PRELID2: variants seen among roughly 807,000 people sequenced by gnomAD.
PRELID2 encodes the protein PRELI domain containing 2, also known as PRELI domain-containing protein 2.
PRELID2 carries 25 observed loss-of-function variants against 28.4 expected under a neutral mutation model. The ratio of observed to expected loss-of-function variants is 0.88; its 90% CI spans 0.64 to 1.23. PRELID2 has a LOEUF of 1.23. Among genes scored for constraint, PRELID2 ranks in the 50% most tolerant of loss-of-function variants. PRELID2 has a pLI of 0.00. For synonymous variants in PRELID2, 76 were observed against 71.6 expected, an observed-to-expected ratio of 1.06 and a Z score of -0.31; for missense variants, 201 against 214.4, an observed-to-expected ratio of 0.94 and a Z score of 0.39.
At chr5:145,468,652 A>G (rs1003060026), downstream of PRELID2, among the ~76,000 whole-genome samples, 1 of 152,074 alleles carries the variant, frequency 6.6e-6, no homozygotes, top group Non-Finnish European at 1.5e-5. Flanking sequence ...TTTGATTTGC[A>G]TTTCTCTGAT....
intron 1 of PRELID2, among the ~76,000 whole-genome samples, chr5:145,732,750 C>G (rs1490436860): frequency 6.6e-6 from 1 of 152,034 alleles, no homozygotes; most frequent in African/African-American, 2.4e-5. Context: ...TACTAATTGT[C>G]TTTCAATGAT....
chr5:145,434,949 C>T, the PRELID2 span, among the ~76,000 whole-genome samples: 4 of 152,242 alleles, frequency 2.6e-5, no homozygotes, highest in Admixed American at 6.5e-5. Context: ...TCATTTTTGA[C>T]GTATTATTTT....
intron 1 of PRELID2, among the ~76,000 whole-genome samples, chr5:145,690,608 C>T (rs955608595): frequency 2.6e-5 from 4 of 152,094 alleles, no homozygotes; most frequent in Non-Finnish European, 5.9e-5. Context: ...GTCCTGGTGC[C>T]GTCATTTGAG....
At chr5:145,339,055 T>G in the PRELID2 span, among the ~76,000 whole-genome samples, 1 of 152,320 alleles carries the variant, frequency 6.6e-6, no homozygotes, top group African/African-American at 2.4e-5. Flanking sequence ...AGCTGCCTCA[T>G]TATCCCCTAA....
the PRELID2 span, among the ~76,000 whole-genome samples, chr5:145,434,980 A>G: frequency 6.6e-6 from 1 of 152,164 alleles, no homozygotes; most frequent in Non-Finnish European, 1.5e-5. Context: ...GTCCCATTCT[A>G]TCTTCTGTTA....
chr5:145,437,733 GTTC>G, the PRELID2 span, among the ~76,000 whole-genome samples: 1 of 152,072 alleles, frequency 6.6e-6, no homozygotes, highest in East Asian at 1.9e-4. Flanking sequence ...TCTCTCCTTG[GTTC>G]ATTCCTTCCC....
At chr5:145,395,147 G>A in the PRELID2 span, among the ~76,000 whole-genome samples, 2 of 151,986 alleles carry the variant, frequency 1.3e-5, no homozygotes, top group East Asian at 1.9e-4. Context: ...ACCCCTCCAC[G>A]AGATAAATAC....
intron 1 of PRELID2, among the ~76,000 whole-genome samples, chr5:145,557,429 T>A (rs533982760): frequency 6.6e-6 from 1 of 152,130 alleles, no homozygotes; most frequent in African/African-American, 2.4e-5. Context: ...CAGATGACAA[T>A]CCACATGACA....
At chr5:145,407,202 G>C in the PRELID2 span, among the ~76,000 whole-genome samples, 2 of 152,152 alleles carry the variant, frequency 1.3e-5, no homozygotes, top group Non-Finnish European at 2.9e-5. Context: ...CAGCAGGAAG[G>C]CTTGTTGGCT....
the PRELID2 span, among the ~76,000 whole-genome samples, chr5:145,384,005 T>C: frequency 2.0e-5 from 3 of 152,070 alleles, no homozygotes; most frequent in African/African-American, 7.2e-5. Flanking sequence ...ATTTAAAACT[T>C]TGAACACATT....
chr5:145,329,347 T>C, the PRELID2 span, among the ~76,000 whole-genome samples: 37 of 152,334 alleles, frequency 2.4e-4, no homozygotes, highest in African/African-American at 8.9e-4. Flanking sequence ...GGGGATAGCA[T>C]TGAGCCTGTA....
At chr5:145,358,515 A>G in the PRELID2 span, among the ~76,000 whole-genome samples, 1 of 152,168 alleles carries the variant, frequency 6.6e-6, no homozygotes, top group African/African-American at 2.4e-5. Flanking sequence ...CCAGAGCCAC[A>G]GAGAAAGACA....
intron 5 of PRELID2, among the ~76,000 whole-genome samples, chr5:145,793,529 A>G (rs573741702): frequency 6.6e-6 from 1 of 152,334 alleles, no homozygotes; most frequent in South Asian, 2.1e-4. Flanking sequence ...CTCAGGCATA[A>G]ATGGCTCCTA....
At chr5:145,418,637 G>C in the PRELID2 span, among the ~76,000 whole-genome samples, 1 of 152,088 alleles carries the variant, frequency 6.6e-6, no homozygotes, top group African/African-American at 2.4e-5. Flanking sequence ...ACAACCAATG[G>C]GGAAAGAATT....
chr5:145,379,793 T>C, the PRELID2 span, among the ~76,000 whole-genome samples: 1 of 152,056 alleles, frequency 6.6e-6, no homozygotes, highest in Non-Finnish European at 1.5e-5. Flanking sequence ...CTGCAGGAGC[T>C]CTGCAAGTCA....
At chr5:145,483,748 G>GTTTTCAACCGT (rs1752187599) in intron 1 of PRELID2, among the ~76,000 whole-genome samples, 1 of 152,110 alleles carries the variant, frequency 6.6e-6, no homozygotes, top group African/African-American at 2.4e-5. Context: ...ACAATCTACG[G>GTTTTCAACCGT]AGTTGAAAAC....
At chr5:145,612,730 G>C (rs928602145) in intron 1 of PRELID2, among the ~76,000 whole-genome samples, 3 of 152,078 alleles carry the variant, frequency 2.0e-5, no homozygotes, top group Non-Finnish European at 4.4e-5. Flanking sequence ...CCATTCCTGA[G>C]TTACTTCACT....
In PRELID2 at chr5:145,816,769, G is replaced by A. The variant is rs184923770; in HGVS notation, c.368+1125C>T. Among the ~76,000 whole-genome samples, 69 of 152,086 alleles carry A rather than the reference G, an allele frequency of 4.5e-4. No homozygotes were observed. In the East Asian group the frequency reaches 0.012, roughly 26 times the overall value. Reference sequence around the variant, plus strand: ...TCTATAGTTTAATTGTGGCAGTGGTGGCACAACTATATATTTGTCAAAACT... The same window carrying A: ...TCTATAGTTTAATTGTGGCAGTGGTAGCACAACTATATATTTGTCAAAACT... On this transcript the variant is annotated intron_variant, in intron 4 of 6. Coordinates refer to ENST00000683046, the MANE Select transcript of PRELID2 (RefSeq NM_205846.3).
chr5:145,438,612 G>A, the PRELID2 span, among the ~76,000 whole-genome samples: 1 of 152,056 alleles, frequency 6.6e-6, no homozygotes, highest in African/African-American at 2.4e-5. Context: ...CCTAGCAATT[G>A]GAACAGAGAA....
Sources: gnomAD v4.1 joint callset for allele counts (sites outside exome capture counted in the v4.1 genomes callset) on GRCh38, gnomAD v4.1.1 for gene constraint, MANE v1.5 for transcripts, NCBI Gene and HGNC (gene_info 2026-07-23, HGNC 2026-07-21) for gene names.